BLTP2: variants seen among roughly 807,000 people sequenced by gnomAD.
The protein encoded by BLTP2 is bridge-like lipid transfer protein family member 2, also known as U937-associated antigen.
the BLTP2 span, chr17:28,634,529 T>C: frequency 6.2e-7 from 1 of 1,613,136 alleles, no homozygotes; most frequent in Admixed American, 1.7e-5. Flanking sequence ...AGAAAGCTCT[T>C]GACATTGCAC....
the BLTP2 span, chr17:28,623,682 T>C: frequency 8.3e-7 from 1 of 1,205,128 alleles, no homozygotes; most frequent in Non-Finnish European, 1.2e-6. Context: ...AGCAGGTTAC[T>C]GTCAAGAATC....
the BLTP2 span, among the ~76,000 whole-genome samples, chr17:28,628,042 ACTCC>A: frequency 3.3e-5 from 5 of 151,464 alleles, no homozygotes; most frequent in Non-Finnish European, 7.4e-5. Context: ...TGGCTCCAAC[ACTCC>A]CCTTCTGATT....
the BLTP2 span, chr17:28,631,793 A>C: frequency 6.2e-7 from 1 of 1,605,602 alleles, no homozygotes; most frequent in Non-Finnish European, 8.5e-7. Flanking sequence ...ACAGGATAGG[A>C]GAAATGAAAG....
the BLTP2 span, chr17:28,632,277 G>T: frequency 6.5e-7 from 1 of 1,546,182 alleles, no homozygotes; most frequent in Non-Finnish European, 8.8e-7. Context: ...AGTTATGGAT[G>T]AAACACAGAG....
At chr17:28,614,922 C>G in the BLTP2 span, 3 of 745,766 alleles carry the variant, frequency 4.0e-6, no homozygotes, top group South Asian at 5.2e-5. Context: ...CTGCAGCGAA[C>G]AGACCAGGTG....
the BLTP2 span, chr17:28,638,100 G>A: frequency 1.2e-6 from 2 of 1,613,156 alleles, no homozygotes; most frequent in East Asian, 2.2e-5. Context: ...CTACCCTAGA[G>A]AAGAAGCAGA....
the BLTP2 span, chr17:28,633,674 G>A: frequency 1.9e-6 from 3 of 1,614,124 alleles, no homozygotes; most frequent in African/African-American, 1.3e-5. Context: ...TTGGTCAAGA[G>A]GTCCACACAC....
chr17:28,623,036 T>C, the BLTP2 span, among the ~76,000 whole-genome samples: 5 of 151,966 alleles, frequency 3.3e-5, no homozygotes, highest in Non-Finnish European at 7.4e-5. Flanking sequence ...GTTCGCGCCA[T>C]TGCACTCCAG....
chr17:28,630,479 T>G, the BLTP2 span, among the ~76,000 whole-genome samples: 12 of 146,368 alleles, frequency 8.2e-5, no homozygotes, highest in African/African-American at 1.0e-4. Flanking sequence ...TTTTTTTTTT[T>G]TTTTTTTTTT....
At chr17:28,640,415 A>C in the BLTP2 span, 1 of 844,262 alleles carries the variant, frequency 1.2e-6, no homozygotes, top group African/African-American at 1.7e-5. Context: ...AATTTTTTTA[A>C]TTTTTCCCAC....
chr17:28,643,490 ACTT>A, the BLTP2 span: 1 of 1,343,022 alleles, frequency 7.4e-7, no homozygotes, highest in Non-Finnish European at 1.1e-6. Context: ...TAACAGGAAG[ACTT>A]CAGCAACAAC....
At chr17:28,645,108 C>T in the BLTP2 span, 1 of 1,517,944 alleles carries the variant, frequency 6.6e-7, no homozygotes, top group South Asian at 1.2e-5. Context: ...TGCCGGGCCC[C>T]GACGCCGGAT....
chr17:28,617,764 A>T, the BLTP2 span, among the ~76,000 whole-genome samples: 1 of 151,836 alleles, frequency 6.6e-6, no homozygotes, highest in East Asian at 1.9e-4. Flanking sequence ...TCTGTATCTT[A>T]TTTTTATTTT....
At chr17:28,644,155 C>T in the BLTP2 span, 7 of 1,614,034 alleles carry the variant, frequency 4.3e-6, no homozygotes, top group Non-Finnish European at 5.9e-6. Context: ...CTTCCGCTGA[C>T]ACCACTTGGT....
At chr17:28,616,215 G>C in the BLTP2 span, 1 of 1,609,668 alleles carries the variant, frequency 6.2e-7, no homozygotes, top group Admixed American at 1.7e-5. This position sits in a 1 kb window ranked among gnomAD's most constrained non-coding sequence, Gnocchi z 4.8. Flanking sequence ...AGGCAGGCAA[G>C]GAGTGTGAGC....
At chr17:28,640,378 G>T in the BLTP2 span, 1 of 623,448 alleles carries the variant, frequency 1.6e-6, no homozygotes, top group Non-Finnish European at 2.7e-6. Flanking sequence ...GGGCAACAGA[G>T]CAAGACTCCG....
chr17:28,621,917 T>A, the BLTP2 span, among the ~76,000 whole-genome samples: 1 of 152,204 alleles, frequency 6.6e-6, no homozygotes, highest in African/African-American at 2.4e-5. Context: ...GGGAATTGAA[T>A]TATTTTTATT....
At chr17:28,633,533 T>A in the BLTP2 span, 1 of 1,613,110 alleles carries the variant, frequency 6.2e-7, no homozygotes, top group African/African-American at 1.3e-5. Context: ...GATAAAAGTA[T>A]CATGACACCC....
At chr17:28,634,208 G>A in the BLTP2 span, 5 of 889,918 alleles carry the variant, frequency 5.6e-6, no homozygotes, top group Non-Finnish European at 8.5e-6. Context: ...AGAGAACAAG[G>A]GCAGGCAGTT....
Sources: allele counts gnomAD v4.1 joint callset (sites outside exome capture counted in the v4.1 genomes callset), GRCh38; gene constraint gnomAD v4.1.1; non-coding constraint Gnocchi (gnomAD v3.1); transcripts MANE v1.5; gene names NCBI Gene and HGNC (gene_info 2026-07-23, HGNC 2026-07-21).